Variants in LIPT2 observed in about 807,000 individuals in gnomAD.
LIPT2 encodes the protein octanoyl-[acyl-carrier-protein]:protein N-octanoyltransferase LIPT2, mitochondrial.
LIPT2 carries 16 observed loss-of-function variants against 16.2 expected under a neutral mutation model. The ratio of observed to expected loss-of-function variants is 0.99; its 90% CI spans 0.67 to 1.50. The LOEUF (loss-of-function observed/expected upper bound fraction) is 1.50, where lower values mean the gene tolerates loss of function less well. Ranked by LOEUF, LIPT2 falls within the 40% of genes most tolerant of loss-of-function variation. The pLI, the probability that LIPT2 is intolerant of heterozygous loss-of-function variation, is 0.00. For synonymous variants in LIPT2, 199 were observed against 169.3 expected (o/e 1.18, Z -1.36); for missense variants, 424 against 347.7 (o/e 1.22, Z -1.75).
In LIPT2 at chr11:74,493,692, G is replaced by A. The variant is rs886804911; in HGVS notation, c.12C>T (p.Pro4=). MRQ[P]AVRLVRLGRV... ...GACCCAGGCGCACCAACCGAACGGCGGGTTGCCGCATCGTGCCCACCGTTG... is the reference window on the plus strand; with the variant it reads ...GACCCAGGCGCACCAACCGAACGGCAGGTTGCCGCATCGTGCCCACCGTTG... Residue 4 remains proline (P), a synonymous_variant, in exon 1 of 2, where the codon CCC becomes CCT. Transcript: ENST00000310109. 1.9e-5 allele frequency: 26 copies of A among 1,386,270 alleles called. No homozygotes were observed. Among genetic ancestry groups the A allele is most frequent in the Non-Finnish European group, 2.1e-5 (23 of 1,075,798 alleles). 85.9% of individuals were successfully genotyped at this position (1,386,270 alleles called of 1,614,324 possible).
chr11:74,490,522 C>T lies in LIPT2; in HGVS notation c.*1613G>A, dbSNP rs996325812. On this transcript the variant is annotated 3_prime_UTR_variant, in exon 2 of 2. Transcript: ENST00000310109. The stretch of plus-strand genomic sequence containing the variant: ...ATATCTCAAGAAAACATTTATATTG[C>T]TTTATATTGATATTTTTATATATTG... Among the ~76,000 whole-genome samples the T allele has an allele frequency of 2.0e-5, 3 of 151,996 alleles. No homozygotes were observed. Among genetic ancestry groups the T allele is most frequent in the African/African-American group, 7.3e-5 (3 of 41,358 alleles).
rs1352633988 is a variant in LIPT2 at position 74,491,174 on chromosome 11, C to T, written c.*961G>A. ...AAGCAACCCTATAGGGAGGTCCACA[C>T]GGTAAGGAACTGAGGCCTCTTGTCA... On this transcript the variant is annotated 3_prime_UTR_variant, in exon 2 of 2. Transcript: ENST00000310109. 1.3e-5 allele frequency among the ~76,000 whole-genome samples: 2 copies of T among 152,204 alleles called. No individual in the cohort carries two copies. The highest frequency in any genetic ancestry group is 2.4e-5 in the African/African-American group (1 of 41,434).
rs747387230 is a variant in LIPT2 at position 74,492,255 on chromosome 11, G to A, written c.576C>T (p.Val192=). The A allele has an allele frequency of 1.1e-5, 17 of 1,551,622 alleles. No individual in the cohort carries two copies. Among genetic ancestry groups the A allele is most frequent in the Non-Finnish European group, 1.5e-5 (17 of 1,147,006 alleles). ...TCTGGAGCTCCTTACTCAAGGAAGTGACGCCTGTCCCAACCAGTCCACAGG... is the reference window on the plus strand; with the variant it reads ...TCTGGAGCTCCTTACTCAAGGAAGTAACGCCTGTCCCAACCAGTCCACAGG... ...IVPCGLVGTG[V]TSLSKELQRH... The change falls in exon 2 of 2, where the codon GTC becomes GTT. Residue 192 remains valine, a synonymous_variant. Coordinates refer to ENST00000310109, the MANE Select transcript of LIPT2 (RefSeq NM_001144869.3).
At position 74,493,372 on chromosome 11, in the gene LIPT2, C is replaced by T. The variant is rs551985164; in HGVS notation, c.332G>A (p.Arg111His). The T allele has an allele frequency of 5.3e-6, 8 of 1,512,108 alleles. 1 individual carries two copies. In the East Asian group the frequency reaches 2.1e-4, roughly 40 times the overall value. 93.7% of individuals were successfully genotyped at this position (1,512,108 alleles called of 1,614,324 possible). The part of the protein sequence containing the change: ...PVLDLRRLGL[R>H]LRMHVASLEA... ...CAGCGACGCTACGTGCATGCGCAAG[C>T]GCAGGCCGAGACGCCGCAGGTCGAG... The change falls in exon 1 of 2, where the codon CGC becomes CAC. Residue 111 changes from arginine (R) to histidine (H), a missense_variant. Physicochemically the swap from Arg to His is conservative, Grantham distance 29 (BLOSUM62 0). Transcript: ENST00000310109.
chr11:74,493,255 C>A lies in LIPT2; in HGVS notation c.449G>T (p.Arg150Leu). 1.5e-6 allele frequency: 2 copies of A among 1,354,134 alleles called. No homozygotes were observed. The highest frequency in any genetic ancestry group is 1.9e-6 in the Non-Finnish European group (2 of 1,054,232). 83.9% of individuals were successfully genotyped at this position (1,354,134 alleles called of 1,614,324 possible). A position where few individuals can be genotyped will look rare whatever the true frequency, so the allele number is the denominator to read the frequency against. The change falls in exon 1 of 2, where the codon CGC becomes CTC. Residue 150 changes from arginine (R) to leucine (L), a missense_variant. Transcript: ENST00000310109. ...PPYTGVWLDD[R>L]KICAIGVRCG... Reference sequence around the variant, plus strand: ...GCGCTCACCGATCGCGCAGATCTTGCGATCGTCTAGCCAGACGCCAGTGTA... The same window carrying A: ...GCGCTCACCGATCGCGCAGATCTTGAGATCGTCTAGCCAGACGCCAGTGTA...
At position 74,492,220 on chromosome 11, in the gene LIPT2, G is replaced by A; in HGVS notation, c.611C>T (p.Thr204Ile). The A allele has an allele frequency of 3.2e-6, 5 of 1,551,662 alleles. No homozygotes were observed. The highest frequency in any genetic ancestry group is 4.4e-6 in the Non-Finnish European group (5 of 1,146,984). ...SLSKELQRHV[T>I]VEEVMPPFLV... ...GAAAGGTGGCATTACTTCTTCCACGGTGACGTGCCTCTGGAGCTCCTTACT... is the reference window on the plus strand; with the variant it reads ...GAAAGGTGGCATTACTTCTTCCACGATGACGTGCCTCTGGAGCTCCTTACT... The change falls in exon 2 of 2, where the codon ACC becomes ATC. Residue 204 changes from threonine to isoleucine, a missense_variant. Transcript: ENST00000310109.
chr11:74,493,502 C>T lies in LIPT2; in HGVS notation c.202G>A (p.Glu68Lys), dbSNP rs949529835. 3.5e-6 allele frequency: 5 copies of T among 1,435,596 alleles called. No individual in the cohort carries two copies. In the African/African-American group the frequency reaches 6.0e-5, roughly 17 times the overall value. The allele number at this position is 1,435,596 out of a possible 1,614,324, so 88.9% of individuals were successfully genotyped here. The change falls in exon 1 of 2, where the codon GAG (glutamate) becomes AAG (lysine). Residue 68 changes from glutamate (E) to lysine (K), a missense_variant. Physicochemically the swap from Glu to Lys is moderately conservative, Grantham distance 56 (BLOSUM62 1). Coordinates refer to ENST00000310109, the MANE Select transcript of LIPT2 (RefSeq NM_001144869.3). The part of the protein sequence containing the change: ...TAGLRGGLTP[E>K]ETARLRALGA... Reference sequence around the variant, plus strand: ...AAGGCCCGTAGCCGCGCAGTTTCCTCGGGCGTCAGGCCGCCGCGCAGCCCG... The same window carrying T: ...AAGGCCCGTAGCCGCGCAGTTTCCTTGGGCGTCAGGCCGCCGCGCAGCCCG...
Position 74,493,717 on chromosome 11 carries a change from G to A in LIPT2, c.-14C>T. 7.4e-7 allele frequency: 1 copy of A among 1,352,690 alleles called. No homozygotes were observed. The highest frequency in any genetic ancestry group is 9.4e-7 in the Non-Finnish European group (1 of 1,059,204). 83.8% of individuals were successfully genotyped at this position (1,352,690 alleles called of 1,614,324 possible). On this transcript the variant is annotated 5_prime_UTR_variant, in exon 1 of 2. Coordinates refer to ENST00000310109, the MANE Select transcript of LIPT2 (RefSeq NM_001144869.3). ...GGGTTGCCGCATCGTGCCCACCGTT[G>A]CGTCCGCGGGGCCCCGCCCTCTCCG...
At position 74,491,966 on chromosome 11, in the gene LIPT2, TAAATA is replaced by T; in HGVS notation, c.*164_*168del. On this transcript the variant is annotated 3_prime_UTR_variant, in exon 2 of 2. Transcript: ENST00000310109. ...ATCTCTGAGGTAGGTGGGGAAGATATAAATAAAACAGGATACATATGAAAATAGTG... is the reference window on the plus strand; with the variant it reads ...ATCTCTGAGGTAGGTGGGGAAGATATAAACAGGATACATATGAAAATAGTG... 1.7e-6 allele frequency: 1 copy of T among 599,220 alleles called. No individual in the cohort carries two copies. The highest frequency in any genetic ancestry group is 2.0e-5 in the South Asian group (1 of 49,958). 37.1% of individuals were successfully genotyped at this position (599,220 alleles called of 1,614,324 possible).
Position 74,493,301 on chromosome 11 carries a change from C to A in LIPT2, c.403G>T (p.Ala135Ser). The A allele has an allele frequency of 7.0e-7, 1 of 1,428,228 alleles. No homozygotes were observed. Among genetic ancestry groups the A allele is most frequent in the Non-Finnish European group, 9.1e-7 (1 of 1,093,704 alleles). The allele number at this position is 1,428,228 out of a possible 1,614,324, so 88.5% of individuals were successfully genotyped here. ...GTGTAGGGCGGGGGCCGCGCGCGGG[C>A]GTCCTGCAGGCCCTGGAGCTCGCAC... ...RLCELQGLQD[A>S]RARPPPYTGV... Residue 135 changes from alanine to serine, a missense_variant, in exon 1 of 2, where the codon GCC becomes TCC. By Grantham distance (99) the Ala-to-Ser change is moderately conservative (BLOSUM62 1). Coordinates refer to ENST00000310109, the MANE Select transcript of LIPT2 (RefSeq NM_001144869.3).
Position 74,493,220 on chromosome 11 carries a change from CT to C in LIPT2, c.466+17del. On this transcript the variant is annotated intron_variant, in intron 1 of 1. Coordinates refer to ENST00000310109, the MANE Select transcript of LIPT2 (RefSeq NM_001144869.3). ...CCGACCTCGGCTCTCAGGTACCGCC[CT>C]GCTCCGCGGCGCTCACCGATCGCGC... 1 of 1,340,650 alleles carries C rather than the reference CT, an allele frequency of 7.5e-7. No homozygotes were observed. Among genetic ancestry groups the C allele is most frequent in the Non-Finnish European group, 9.5e-7 (1 of 1,047,308 alleles). The allele number at this position is 1,340,650 out of a possible 1,614,324, so 83.0% of individuals were successfully genotyped here.
At position 74,493,218 on chromosome 11, in the gene LIPT2, C is replaced by A; in HGVS notation, c.466+20G>T. ...CTCCGACCTCGGCTCTCAGGTACCG[C>A]CCTGCTCCGCGGCGCTCACCGATCG... On this transcript the variant is annotated intron_variant, in intron 1 of 1. Coordinates refer to ENST00000310109, the MANE Select transcript of LIPT2 (RefSeq NM_001144869.3). The A allele has an allele frequency of 2.2e-6, 3 of 1,339,870 alleles. No homozygotes were observed. The highest frequency in any genetic ancestry group is 2.0e-4 in the Middle Eastern group (1 of 5,128). 83.0% of individuals were successfully genotyped at this position (1,339,870 alleles called of 1,614,324 possible). A position where few individuals can be genotyped will look rare whatever the true frequency, so the allele number is the denominator to read the frequency against.
rs1476178362 is a variant in LIPT2, at chr11:74,493,463, G to A, written c.241C>T (p.Arg81Cys). The change falls in exon 1 of 2, where the codon CGC (arginine) becomes TGC (cysteine). Residue 81 changes from arginine (R) to cysteine (C), a missense_variant. Coordinates refer to ENST00000310109, the MANE Select transcript of LIPT2 (RefSeq NM_001144869.3). The part of the protein sequence containing the change: ...ARLRALGAEV[R>C]VTGRGGLATF... ...GCCAGGCCACCGCGGCCTGTGACGC[G>A]CACCTCGGCGCCCAAGGCCCGTAGC... The A allele has an allele frequency of 1.2e-5, 18 of 1,485,230 alleles. No homozygotes were observed. The highest frequency in any genetic ancestry group is 1.6e-5 in the Non-Finnish European group (18 of 1,124,512). 92.0% of individuals were successfully genotyped at this position (1,485,230 alleles called of 1,614,324 possible).
Position 74,493,239 on chromosome 11 carries a change from G to A in LIPT2, c.465C>T (p.Ile155=), listed in dbSNP as rs1359213108. The A allele has an allele frequency of 7.4e-7, 1 of 1,345,966 alleles. No homozygotes were observed. The highest frequency in any genetic ancestry group is 9.5e-7 in the Non-Finnish European group (1 of 1,050,144). The allele number at this position is 1,345,966 out of a possible 1,614,324, so 83.4% of individuals were successfully genotyped here. A position where few individuals can be genotyped will look rare whatever the true frequency, so the allele number is the denominator to read the frequency against. The change falls in exon 1 of 2, where the codon ATC becomes ATT. Residue 155 remains isoleucine (I), a splice_region_variant and synonymous_variant. Transcript: ENST00000310109. ...ACCGCCCTGCTCCGCGGCGCTCACC[G>A]ATCGCGCAGATCTTGCGATCGTCTA... ...VWLDDRKICA[I]GVRCGRHITS...
At chr11:74,493,188 T>G (rs1252291831) in intron 1 of LIPT2, 50 bp downstream of exon 1, 1 of 1,285,656 alleles carries the variant, frequency 7.8e-7, no homozygotes, top group African/African-American at 1.6e-5. Context: ...CCCCCAGGCC[T>G]CAAGCTCCGA....
At position 74,491,349 on chromosome 11, in the gene LIPT2, C is replaced by T. The variant is rs1864331478; in HGVS notation, c.*786G>A. 1.3e-5 allele frequency among the ~76,000 whole-genome samples: 2 copies of T among 152,176 alleles called. No individual in the cohort carries two copies. Among genetic ancestry groups the T allele is most frequent in the South Asian group, 2.1e-4 (1 of 4,828 alleles). ...CCTAGAAACACCCAGCTAAGCTTCC[C>T]CCAAATTCCTGACCCACAAACGAGA... On this transcript the variant is annotated 3_prime_UTR_variant, in exon 2 of 2. Transcript: ENST00000310109.
chr11:74,493,217 G>T lies in LIPT2; in HGVS notation c.466+21C>A, dbSNP rs952374104. The T allele has an allele frequency of 1.9e-5, 26 of 1,337,254 alleles. No individual in the cohort carries two copies. The East Asian group carries it at 8.1e-4, about 41-fold the overall frequency. The allele number at this position is 1,337,254 out of a possible 1,614,324, so 82.8% of individuals were successfully genotyped here. A position where few individuals can be genotyped will look rare whatever the true frequency, so the allele number is the denominator to read the frequency against. On this transcript the variant is annotated intron_variant, in intron 1 of 1. Coordinates refer to ENST00000310109, the MANE Select transcript of LIPT2 (RefSeq NM_001144869.3). ...GCTCCGACCTCGGCTCTCAGGTACC[G>T]CCCTGCTCCGCGGCGCTCACCGATC...
chr11:74,492,462 G>A (rs548258267), intron 1 of LIPT2, 98 bp from the exon 2 acceptor site: 62 of 770,760 alleles, frequency 8.0e-5, no homozygotes, highest in Non-Finnish European at 1.3e-4. Flanking sequence ...TAGATCACCG[G>A]TTTTCAAATT....
rs1864360987 is a variant in LIPT2 at position 74,492,369 on chromosome 11, A to G, written c.467-5T>C. The G allele has an allele frequency of 6.5e-7, 1 of 1,546,778 alleles. No homozygotes were observed. Among genetic ancestry groups the G allele is most frequent in the Admixed American group, 2.0e-5 (1 of 50,970 alleles). Reference sequence around the variant, plus strand: ...TGTGCCTTCCACAGCGGACTCCTGCAAGGCAAGCCAAAGGGTCTTAGAGTA... The same window carrying G: ...TGTGCCTTCCACAGCGGACTCCTGCGAGGCAAGCCAAAGGGTCTTAGAGTA... On this transcript the variant is annotated splice_polypyrimidine_tract_variant and splice_region_variant and intron_variant, in intron 1 of 1. Transcript: ENST00000310109.
Sources: allele counts gnomAD v4.1 joint callset (sites outside exome capture counted in the v4.1 genomes callset), GRCh38; gene constraint gnomAD v4.1.1; transcripts MANE v1.5; gene names NCBI Gene and HGNC (gene_info 2026-07-23, HGNC 2026-07-21).